RERGL: variants seen among roughly 807,000 people sequenced by gnomAD.
RERGL encodes the protein RERG like, also known as ras-related and estrogen-regulated growth inhibitor-like protein.
A neutral mutation model predicts 24.7 loss-of-function variants in RERGL; 22 were observed. The ratio of observed to expected loss-of-function variants is 0.89; its 90% CI spans 0.64 to 1.27. The LOEUF is 1.27. Among genes scored for constraint, RERGL ranks in the 50% most tolerant of loss-of-function variants. The probability of loss-of-function intolerance (pLI) is 0.00; values close to 1 mark genes in which losing one functional copy is unlikely to be tolerated. For synonymous variants in RERGL, 76 were observed against 82.6 expected, an observed-to-expected ratio of 0.92 and a Z score of 0.43; for missense variants, 259 against 235.3, an observed-to-expected ratio of 1.10 and a Z score of -0.66.
At chr12:18,081,545 A>C in intron 4 of RERGL, 72 bp from the exon 5 acceptor site, 1 of 972,908 alleles carries the variant, frequency 1.0e-6, no homozygotes, top group South Asian at 2.0e-5. Flanking sequence ...AAAAAAAAAC[A>C]GATTTATAAC....
intron 4 of RERGL, among the ~76,000 whole-genome samples, chr12:18,082,546 T>C (rs1744052462): frequency 6.6e-6 from 1 of 152,120 alleles, no homozygotes; most frequent in South Asian, 2.1e-4. Context: ...AGGTTAAAGC[T>C]CATGGAGATT....
At chr12:18,088,831 T>C in intron 2 of RERGL, 69 bp downstream of exon 2, 2 of 959,856 alleles carry the variant, frequency 2.1e-6, no homozygotes. Flanking sequence ...AATGCATCTC[T>C]GTACTTAAGT....
intron 4 of RERGL, among the ~76,000 whole-genome samples, chr12:18,083,109 C>G (rs993269146): frequency 1.3e-5 from 2 of 151,778 alleles, no homozygotes; most frequent in Admixed American, 6.6e-5. Flanking sequence ...TTGCTAAGGT[C>G]TTTTTTTAGT....
At chr12:18,087,746 G>A (rs538103658) in intron 2 of RERGL, among the ~76,000 whole-genome samples, 3 of 152,188 alleles carry the variant, frequency 2.0e-5, no homozygotes, top group Admixed American at 2.0e-4. Flanking sequence ...ATATCGTTCT[G>A]TGTTTGTTTT....
chr12:18,086,311 T>C (rs1434656161), intron 2 of RERGL, among the ~76,000 whole-genome samples: 1 of 152,162 alleles, frequency 6.6e-6, no homozygotes, highest in Non-Finnish European at 1.5e-5. Flanking sequence ...CACTCTCAGC[T>C]AGTGATGATT....
chr12:18,087,902 G>C (rs1947235274), intron 2 of RERGL, among the ~76,000 whole-genome samples: 1 of 152,010 alleles, frequency 6.6e-6, no homozygotes, highest in Non-Finnish European at 1.5e-5. Context: ...CAGCTTTCAA[G>C]CTCTTGCCCT....
chr12:18,082,011 G>A (rs1045131157), intron 4 of RERGL, among the ~76,000 whole-genome samples: 9 of 151,922 alleles, frequency 5.9e-5, no homozygotes, highest in Non-Finnish European at 7.4e-5. Context: ...GTGGTTGCAC[G>A]CACTTGTAGT....
At chr12:18,084,693 T>C (rs754749191) in intron 3 of RERGL, 28 bp from the exon 4 acceptor site, 12 of 1,599,760 alleles carry the variant, frequency 7.5e-6, no homozygotes, top group Non-Finnish European at 8.5e-7. Context: ...GCATTAAAAG[T>C]GGTGGGATCT....
chr12:18,084,698 G>A, intron 3 of RERGL, 33 bp from the exon 4 acceptor site: 1 of 1,594,430 alleles, frequency 6.3e-7, no homozygotes, highest in South Asian at 1.1e-5. Context: ...AAAAGTGGTG[G>A]GATCTAATAC....
intron 2 of RERGL, 97 bp from the exon 3 acceptor site, chr12:18,085,790 C>T: frequency 5.0e-6 from 3 of 594,614 alleles, no homozygotes; most frequent in East Asian, 3.0e-5. Flanking sequence ...GTATTGTGCT[C>T]TTTTTATATT....
At chr12:18,083,848 C>T (rs1947194437) in intron 4 of RERGL, among the ~76,000 whole-genome samples, 1 of 152,098 alleles carries the variant, frequency 6.6e-6, no homozygotes, top group African/African-American at 2.4e-5. Flanking sequence ...AAAATAAATA[C>T]TTTCAATGGA....
At chr12:18,084,292 T>C (rs1947198492) in intron 4 of RERGL, among the ~76,000 whole-genome samples, 1 of 152,198 alleles carries the variant, frequency 6.6e-6, no homozygotes, top group South Asian at 2.1e-4. Flanking sequence ...TCTTGTAAAA[T>C]AGCCATTTAC....
At chr12:18,088,065 C>G (rs562154114) in intron 2 of RERGL, among the ~76,000 whole-genome samples, 1 of 152,080 alleles carries the variant, frequency 6.6e-6, no homozygotes, top group Non-Finnish European at 1.5e-5. Context: ...TGGAAAAATA[C>G]ACTTGCAATC....
chr12:18,081,052 T>A lies in RERGL; in HGVS notation c.*139A>T, dbSNP rs745790341. 5.0e-5 allele frequency: 37 copies of A among 745,996 alleles called. No homozygotes were observed. The highest frequency in any genetic ancestry group is 6.9e-5 in the Non-Finnish European group (33 of 477,018). The allele number at this position is 745,996 out of a possible 1,614,324, so 46.2% of individuals were successfully genotyped here. ...CAAACTACATATTTGAAAACACAGC[T>A]GTGGTTCATACTCAATCATTTCATA... is the stretch of plus-strand genomic sequence containing the variant. On this transcript the variant is annotated 3_prime_UTR_variant, in exon 5 of 5. Transcript: ENST00000538724.
intron 1 of RERGL, chr12:18,089,291 T>C: frequency 6.3e-7 from 1 of 1,599,734 alleles, no homozygotes; most frequent in Non-Finnish European, 8.5e-7. Flanking sequence ...CATCTGTTTA[T>C]TTTCTCTGTC....
At chr12:18,089,390 A>T (rs17469894) in intron 1 of RERGL, 1 of 1,352,096 alleles carries the variant, frequency 7.4e-7, no homozygotes, top group African/African-American at 1.5e-5. Flanking sequence ...AGGGACCTAC[A>T]AATCCAGGAA....
chr12:18,084,524 A>T lies in RERGL; in HGVS notation c.325T>A (p.Cys109Ser). 5.6e-6 allele frequency: 9 copies of T among 1,603,062 alleles called. No homozygotes were observed. Among genetic ancestry groups the T allele is most frequent in the Non-Finnish European group, 7.6e-6 (9 of 1,176,816 alleles). ...YRIREPQTSH[C>S]KRAVESAVFL... ...GAATGAAAAATACCTTACCTTTTAC[A>T]ATGACTAGTTTGTGGCTCCCGGATT... Residue 109 changes from cysteine (C) to serine (S), a missense_variant, in exon 4 of 5, where the codon TGT (cysteine) becomes AGT (serine). Coordinates refer to ENST00000538724, the MANE Select transcript of RERGL (RefSeq NM_001286201.2).
chr12:18,085,652 G>A lies in RERGL; in HGVS notation c.151C>T (p.Leu51=). The A allele has an allele frequency of 6.3e-7, 1 of 1,598,628 alleles. No individual in the cohort carries two copies. Among genetic ancestry groups the A allele is most frequent in the Non-Finnish European group, 8.6e-7 (1 of 1,169,418 alleles). The change falls in exon 3 of 5, where the codon CTA becomes TTA. Residue 51 remains leucine (L), a synonymous_variant. Coordinates refer to ENST00000538724, the MANE Select transcript of RERGL (RefSeq NM_001286201.2). ...CAAGGGTCATATATTTCTAGATTTAGTTGTTTCCTTTCCAAACACAAGTGC... is the reference window on the plus strand; with the variant it reads ...CAAGGGTCATATATTTCTAGATTTAATTGTTTCCTTTCCAAACACAAGTGC... ...KKHLCLERKQ[L]NLEIYDPCSQ... is the part of the protein sequence containing the mutation.
At position 18,081,435 on chromosome 12, in the gene RERGL, C is replaced by T. The variant is rs369374785; in HGVS notation, c.371G>A (p.Arg124Gln). Residue 124 changes from arginine (R) to glutamine (Q), a missense_variant, in exon 5 of 5, where the codon CGA becomes CAA. Transcript: ENST00000538724. ...AACCTCTCGCACATGACAAAGATCTCGTTTGTTGCCAACCAAAAACACTGC... is the reference window on the plus strand; with the variant it reads ...AACCTCTCGCACATGACAAAGATCTTGTTTGTTGCCAACCAAAAACACTGC... ...ESAVFLVGNK[R>Q]DLCHVREVGW... 15 of 1,612,694 alleles carry T rather than the reference C, an allele frequency of 9.3e-6. No homozygotes were observed. In the African/African-American group the frequency reaches 1.1e-4, roughly 11 times the overall value.
Sources: gnomAD v4.1 joint callset for allele counts (sites outside exome capture counted in the v4.1 genomes callset) on GRCh38, gnomAD v4.1.1 for gene constraint, MANE v1.5 for transcripts, NCBI Gene and HGNC (gene_info 2026-07-23, HGNC 2026-07-21) for gene names.